DCC: variants seen among roughly 807,000 people sequenced by gnomAD.
DCC encodes the protein netrin receptor DCC.
DCC carries 58 observed loss-of-function variants against 172.5 expected under a neutral mutation model. That is an observed-to-expected ratio of 0.34 (90% CI 0.27 to 0.42). The LOEUF (loss-of-function observed/expected upper bound fraction) is 0.42. Among genes scored for constraint, DCC ranks in the 10% least tolerant of loss-of-function variants. The pLI is 1.00. For missense variants in DCC, 1,740 were observed against 1,791.0 expected (o/e 0.97, Z 0.51); for synonymous variants, 709 against 644.5 (o/e 1.10, Z -1.52).
chr18:53,213,959 A>G (rs1413307108), intron 11 of DCC, among the ~76,000 whole-genome samples: 1 of 151,878 alleles, frequency 6.6e-6, no homozygotes, highest in African/African-American at 2.4e-5. Flanking sequence ...ATTATAATTT[A>G]TAAACTTTTT....
intron 2 of DCC, among the ~76,000 whole-genome samples, chr18:52,837,347 G>T (rs1168012664): frequency 6.6e-6 from 1 of 152,144 alleles, no homozygotes; most frequent in African/African-American, 2.4e-5. Flanking sequence ...AATTTCTGTT[G>T]CATTGGCAGG....
chr18:53,279,388 A>G (rs1245876242), intron 12 of DCC, among the ~76,000 whole-genome samples: 5 of 151,302 alleles, frequency 3.3e-5, no homozygotes, highest in Non-Finnish European at 7.4e-5. Flanking sequence ...TCAGCAAACT[A>G]TCGCAAGGAC....
intron 1 of DCC, among the ~76,000 whole-genome samples, chr18:52,404,997 AT>A (rs908782143): frequency 2.7e-4 from 41 of 151,820 alleles, no homozygotes; most frequent in African/African-American, 9.2e-4. Context: ...TGAGCTCATC[AT>A]TTTTTATGGC....
At chr18:53,248,286 T>A (rs2056388501) in intron 12 of DCC, among the ~76,000 whole-genome samples, 1 of 151,972 alleles carries the variant, frequency 6.6e-6, no homozygotes, top group Admixed American at 6.6e-5. Flanking sequence ...CCAGATTAAT[T>A]TATGACAATT....
At chr18:53,243,554 T>A (rs906688150) in intron 12 of DCC, among the ~76,000 whole-genome samples, 1 of 152,164 alleles carries the variant, frequency 6.6e-6, no homozygotes, top group South Asian at 2.1e-4. Flanking sequence ...GCTTCCATAT[T>A]AGTTTAATCA....
chr18:53,281,447 T>G lies in DCC; in HGVS notation c.1912-24131T>G, dbSNP rs2056870783. On this transcript the variant is annotated intron_variant, in intron 12 of 28. Coordinates refer to ENST00000442544, the MANE Select transcript of DCC (RefSeq NM_005215.4). ...TAGTCTTTAATCCATAAATATTTCT[T>G]TTGCTGAGAACTACAGAAGATAAAA... Among the ~76,000 whole-genome samples, 6 of 152,172 alleles carry G rather than the reference T, an allele frequency of 3.9e-5. No homozygotes were observed. The South Asian group carries it at 1.2e-3, about 32-fold the overall frequency.
intron 1 of DCC, among the ~76,000 whole-genome samples, chr18:52,656,068 ATG>A (rs751478564): frequency 1.5e-5 from 2 of 137,636 alleles, no homozygotes; most frequent in African/African-American, 5.8e-5. Context: ...GTGTATATAT[ATG>A]TGTATATATA....
chr18:53,483,920 T>C (rs1422200689), intron 25 of DCC, among the ~76,000 whole-genome samples: 1 of 151,780 alleles, frequency 6.6e-6, no homozygotes, highest in Non-Finnish European at 1.5e-5. Context: ...GTGTGCTTGT[T>C]GTTGATCTAA....
At chr18:52,973,778 C>A (rs890630108) in intron 5 of DCC, among the ~76,000 whole-genome samples, 1 of 152,158 alleles carries the variant, frequency 6.6e-6, no homozygotes, top group African/African-American at 2.4e-5. Flanking sequence ...GAAGAGGATG[C>A]TAGACCTTCA....
intron 1 of DCC, among the ~76,000 whole-genome samples, chr18:52,390,438 C>T (rs932233435): frequency 8.5e-5 from 13 of 152,070 alleles, no homozygotes; most frequent in Non-Finnish European, 1.5e-4. Flanking sequence ...ACCCTGCCTA[C>T]AGACACTCCA....
At chr18:52,687,059 A>AT (rs972651653) in intron 1 of DCC, among the ~76,000 whole-genome samples, 31 of 152,126 alleles carry the variant, frequency 2.0e-4, no homozygotes, top group African/African-American at 7.0e-4. Context: ...AGTGTAATTA[A>AT]TCTAGCCACT....
intron 5 of DCC, among the ~76,000 whole-genome samples, chr18:53,018,283 T>C (rs1196142839): frequency 6.6e-6 from 1 of 152,170 alleles, no homozygotes; most frequent in African/African-American, 2.4e-5. Context: ...ACTGACATTA[T>C]AGAGTGGTGT....
chr18:52,712,641 T>C (rs1024317343), intron 1 of DCC, among the ~76,000 whole-genome samples: 4 of 152,202 alleles, frequency 2.6e-5, no homozygotes, highest in South Asian at 2.1e-4. Flanking sequence ...CAACAGTACA[T>C]AGCAAATAGT....
At chr18:52,788,952 AC>A (rs2037710834) in intron 2 of DCC, among the ~76,000 whole-genome samples, 1 of 152,160 alleles carries the variant, frequency 6.6e-6, no homozygotes, top group Admixed American at 6.6e-5. Flanking sequence ...AATCAGCCCA[AC>A]CCCCACATGA....
chr18:52,552,036 G>C (rs62083380), intron 1 of DCC, among the ~76,000 whole-genome samples: 43,860 of 151,916 alleles, frequency 0.29, 7,295 homozygotes, highest in Non-Finnish European at 0.39. Flanking sequence ...AGATATCAAA[G>C]CCTATAGGCC....
At chr18:52,733,490 C>T (rs1275167239) in intron 1 of DCC, among the ~76,000 whole-genome samples, 2 of 151,950 alleles carry the variant, frequency 1.3e-5, no homozygotes, top group Non-Finnish European at 2.9e-5. Flanking sequence ...CCAATAAACA[C>T]CGCCTTTTTT....
At chr18:52,585,679 A>C (rs1167403188) in intron 1 of DCC, among the ~76,000 whole-genome samples, 1 of 152,152 alleles carries the variant, frequency 6.6e-6, no homozygotes, top group Admixed American at 6.5e-5. Flanking sequence ...ATTCTCCCTC[A>C]CCCAATAATT....
chr18:53,074,407 AACATATTG>A (rs1223326674), intron 7 of DCC, among the ~76,000 whole-genome samples: 2 of 152,176 alleles, frequency 1.3e-5, no homozygotes, highest in Non-Finnish European at 2.9e-5. Flanking sequence ...ATATTTTTGA[AACATATTG>A]CAGTGATATT....
chr18:52,461,468 TA>T (rs1212332424), intron 1 of DCC, among the ~76,000 whole-genome samples: 1 of 152,228 alleles, frequency 6.6e-6, no homozygotes, highest in Non-Finnish European at 1.5e-5. Context: ...TGCAGTCGTT[TA>T]TTATCATTAT....
Sources: allele counts gnomAD v4.1 joint callset (sites outside exome capture counted in the v4.1 genomes callset), GRCh38; gene constraint gnomAD v4.1.1; transcripts MANE v1.5; gene names NCBI Gene and HGNC (gene_info 2026-07-23, HGNC 2026-07-21).